Variants in ARHGAP18 observed in about 807,000 individuals in gnomAD.
ARHGAP18 encodes rho GTPase-activating protein 18.
ARHGAP18 carries 67 observed loss-of-function variants against 86.2 expected under a neutral mutation model. That is an observed-to-expected ratio of 0.78 (90% CI 0.64 to 0.95). The LOEUF (loss-of-function observed/expected upper bound fraction) is 0.95, where lower values mean the gene tolerates loss of function less well. Among genes scored for constraint, ARHGAP18 ranks in the 40% least tolerant of loss-of-function variants. The pLI is 0.00. For missense variants in ARHGAP18, 691 were observed against 780.4 expected, an observed-to-expected ratio of 0.89 and a Z score of 1.37; for synonymous variants, 283 against 280.4, an observed-to-expected ratio of 1.01 and a Z score of -0.09.
chr6:129,618,412 GAAAGC>G, intron 6 of ARHGAP18, among the ~76,000 whole-genome samples: 1 of 152,298 alleles, frequency 6.6e-6, no homozygotes, highest in Non-Finnish European at 1.5e-5. Flanking sequence ...TTTTAAAGGA[GAAAGC>G]AAATGAGTTA....
intron 1 of ARHGAP18, among the ~76,000 whole-genome samples, chr6:129,701,133 G>A (rs1416213345): frequency 2.6e-5 from 4 of 152,164 alleles, no homozygotes; most frequent in Non-Finnish European, 5.9e-5. Flanking sequence ...GAAGTGAAAT[G>A]TCTGGGGAAA....
rs960685672 is a variant in ARHGAP18 at position 129,584,075 on chromosome 6, G to A, written c.1751C>T (p.Pro584Leu). The A allele has an allele frequency of 6.2e-7, 1 of 1,613,482 alleles. No homozygotes were observed. Among genetic ancestry groups the A allele is most frequent in the African/African-American group, 1.3e-5 (1 of 74,846 alleles). The change falls in exon 13 of 15, where the codon CCC (proline) becomes CTC (leucine). Residue 584 changes from proline (P) to leucine (L), a missense_variant. Pro to Leu is a moderately conservative substitution (Grantham distance 98, BLOSUM62 -3). Transcript: ENST00000368149. ...TGCCATGGAAACTTTCGAAAGATGG[G>A]GAGCTTGCACTCGAATCACTCCCTG... ...VPQGVIRVQA[P>L]HLSKVSMAIQ...
chr6:129,597,726 G>C (rs1423263965), intron 12 of ARHGAP18, among the ~76,000 whole-genome samples: 1 of 144,028 alleles, frequency 6.9e-6, no homozygotes, highest in East Asian at 2.0e-4. Flanking sequence ...TTCACATAAG[G>C]AAAGAAAAAA....
At chr6:129,698,514 G>A (rs567469233) in intron 1 of ARHGAP18, among the ~76,000 whole-genome samples, 1 of 150,150 alleles carries the variant, frequency 6.7e-6, no homozygotes, top group South Asian at 2.1e-4. Context: ...TAATTTTATA[G>A]CAGCATGGTG....
chr6:129,661,848 G>C, intron 1 of ARHGAP18: 6 of 985,142 alleles, frequency 6.1e-6, no homozygotes, highest in Non-Finnish European at 7.2e-6. Context: ...AGCTCACCCA[G>C]CGAACAATTT....
intron 5 of ARHGAP18, among the ~76,000 whole-genome samples, chr6:129,628,053 AT>A (rs1464904402): frequency 6.6e-6 from 1 of 152,102 alleles, no homozygotes; most frequent in Non-Finnish European, 1.5e-5. Context: ...AGTGCTAAGT[AT>A]TTGGGGGTTC....
At chr6:129,648,442 G>A (rs1773628817) in intron 1 of ARHGAP18, among the ~76,000 whole-genome samples, 1 of 151,250 alleles carries the variant, frequency 6.6e-6, no homozygotes, top group African/African-American at 2.4e-5. Context: ...GGGATTACAG[G>A]TGTAAGCCAC....
At chr6:129,689,806 G>GC (rs1472565101) in intron 1 of ARHGAP18, among the ~76,000 whole-genome samples, 2 of 152,114 alleles carry the variant, frequency 1.3e-5, no homozygotes, top group Non-Finnish European at 2.9e-5. Context: ...GAAAAGGCAC[G>GC]CATTTGCTTT....
chr6:129,579,432 T>C (rs895686175), intron 14 of ARHGAP18, among the ~76,000 whole-genome samples: 8 of 152,140 alleles, frequency 5.3e-5, no homozygotes, highest in African/African-American at 1.9e-4. Flanking sequence ...TATTTTGAAC[T>C]TAACATGATT....
At chr6:129,620,114 A>G (rs969631834) in intron 5 of ARHGAP18, among the ~76,000 whole-genome samples, 2 of 152,134 alleles carry the variant, frequency 1.3e-5, no homozygotes, top group African/African-American at 4.8e-5. Context: ...AGTGCTCTGG[A>G]TTTCAGATTT....
intron 1 of ARHGAP18, among the ~76,000 whole-genome samples, chr6:129,706,023 T>C (rs1169582536): frequency 6.6e-6 from 1 of 152,174 alleles, no homozygotes; most frequent in Non-Finnish European, 1.5e-5. Context: ...TGCCATACAT[T>C]TATTCAGAGA....
chr6:129,638,484 C>A lies in ARHGAP18; in HGVS notation c.462G>T (p.Thr154=), dbSNP rs34022250. Residue 154 remains threonine (T), a synonymous_variant, in exon 3 of 15, where the codon ACG becomes ACT. Coordinates refer to ENST00000368149, the MANE Select transcript of ARHGAP18 (RefSeq NM_033515.3). ...QAAAVQKRVE[T]VSQTLRKKNK... The stretch of plus-strand genomic sequence containing the variant: ...TTTTTTTCCTCAAGGTCTGGGAGAC[C>A]GTCTCTACTCGCTTCTGAACTGCTG... The A allele has an allele frequency of 6.2e-7, 1 of 1,613,996 alleles. No homozygotes were observed. Among genetic ancestry groups the A allele is most frequent in the Non-Finnish European group, 8.5e-7 (1 of 1,180,020 alleles).
At chr6:129,613,975 T>C (rs1413950518) in intron 7 of ARHGAP18, among the ~76,000 whole-genome samples, 1 of 152,162 alleles carries the variant, frequency 6.6e-6, no homozygotes, top group Non-Finnish European at 1.5e-5. Flanking sequence ...TATGGCTGAG[T>C]TGGCTGATTC....
intron 1 of ARHGAP18, among the ~76,000 whole-genome samples, chr6:129,685,928 C>T (rs1207354795): frequency 1.3e-5 from 2 of 152,130 alleles, no homozygotes; most frequent in East Asian, 3.9e-4. Context: ...ATGTTGGCAA[C>T]AACTTTCAAA....
At chr6:129,595,276 G>A (rs1306532719) in intron 12 of ARHGAP18, among the ~76,000 whole-genome samples, 1 of 152,044 alleles carries the variant, frequency 6.6e-6, no homozygotes, top group Admixed American at 6.6e-5. Context: ...AACATATTAC[G>A]AATCTCTTCA....
intron 7 of ARHGAP18, among the ~76,000 whole-genome samples, chr6:129,615,163 G>A (rs1348394972): frequency 6.6e-6 from 1 of 152,190 alleles, no homozygotes; most frequent in African/African-American, 2.4e-5. Context: ...ATAGGCTTTG[G>A]TGTATAGTAA....
chr6:129,597,381 G>A (rs190825709), intron 12 of ARHGAP18, among the ~76,000 whole-genome samples: 2 of 152,030 alleles, frequency 1.3e-5, no homozygotes, highest in African/African-American at 2.4e-5. Flanking sequence ...AAAATGACAG[G>A]CCAAACAGAC....
At chr6:129,604,773 C>CT (rs1295348597) in intron 10 of ARHGAP18, among the ~76,000 whole-genome samples, 2 of 152,114 alleles carry the variant, frequency 1.3e-5, no homozygotes, top group Admixed American at 6.6e-5. Flanking sequence ...AAGCAAAAGG[C>CT]TTTTTTTCTG....
At position 129,626,287 on chromosome 6, in the gene ARHGAP18, C is replaced by T. The variant is rs144693033; in HGVS notation, c.786+3066G>A. Reference sequence around the variant, plus strand: ...ACCACTAAGTCAACAAAACAAAAATCAAGGTGGAAGAAACTGTGCATAGTG... The same window carrying T: ...ACCACTAAGTCAACAAAACAAAAATTAAGGTGGAAGAAACTGTGCATAGTG... On this transcript the variant is annotated intron_variant, in intron 5 of 14. Coordinates refer to ENST00000368149, the MANE Select transcript of ARHGAP18 (RefSeq NM_033515.3). 8.9e-4 allele frequency among the ~76,000 whole-genome samples: 135 copies of T among 151,646 alleles called. 1 individual carries two copies. Among genetic ancestry groups the T allele is most frequent in the African/African-American group, 3.2e-3 (134 of 41,364 alleles).
Sources: allele counts gnomAD v4.1 joint callset (sites outside exome capture counted in the v4.1 genomes callset), GRCh38; gene constraint gnomAD v4.1.1; transcripts MANE v1.5; gene names NCBI Gene and HGNC (gene_info 2026-07-23, HGNC 2026-07-21).